Variants in SCUBE3 observed in about 807,000 individuals in gnomAD.
The protein encoded by SCUBE3 is signal peptide, CUB and EGF-like domain-containing protein 3.
A neutral mutation model predicts 116.8 loss-of-function variants in SCUBE3; 33 were observed. The ratio of observed to expected loss-of-function variants is 0.28; its 90% CI spans 0.21 to 0.38. SCUBE3 has a LOEUF of 0.38. Ranked by LOEUF, SCUBE3 falls within the 10% of genes least tolerant of loss-of-function variation. The pLI, the probability that SCUBE3 is intolerant of heterozygous loss-of-function variation, is 1.00. For missense variants in SCUBE3, 1,007 were observed against 1,324.8 expected, an observed-to-expected ratio of 0.76 and a Z score of 3.72; for synonymous variants, 418 against 496.9, an observed-to-expected ratio of 0.84 and a Z score of 2.11.
chr6:35,229,291 C>T (rs1783441477), intron 3 of SCUBE3, among the ~76,000 whole-genome samples: 1 of 152,110 alleles, frequency 6.6e-6, no homozygotes, highest in Non-Finnish European at 1.5e-5. Flanking sequence ...TGGTGCATAC[C>T]TGTAGTCCCC....
chr6:35,226,763 C>G (rs1463841458), intron 1 of SCUBE3, among the ~76,000 whole-genome samples: 1 of 152,136 alleles, frequency 6.6e-6, no homozygotes, highest in South Asian at 2.1e-4. Context: ...CAGGCATGAG[C>G]CACCGCGCCT....
In SCUBE3 at chr6:35,245,385, TGAG is replaced by T; in HGVS notation, c.2562_2564del (p.Glu854del). On this transcript the variant is annotated inframe_deletion, in exon 19 of 22. Coordinates refer to ENST00000274938, the MANE Select transcript of SCUBE3 (RefSeq NM_152753.4). The surrounding 1 kb of genome is among the most constrained non-coding windows in gnomAD (Gnocchi z 4.2). ...TGGTACCAGAGATCTTCCTGCCATC[TGAG>T]GATGAGTGTGGGGACGTCCTCGTCA... 6.2e-7 allele frequency: 1 copy of T among 1,614,200 alleles called. No individual in the cohort carries two copies. The highest frequency in any genetic ancestry group is 8.5e-7 in the Non-Finnish European group (1 of 1,180,036).
Position 35,231,213 on chromosome 6 carries a change from G to A in SCUBE3, c.335-512G>A, listed in dbSNP as rs1395611645. 1.3e-5 allele frequency among the ~76,000 whole-genome samples: 2 copies of A among 152,094 alleles called. 1 individual carries two copies. The highest frequency in any genetic ancestry group is 1.3e-4 in the Admixed American group (2 of 15,270). ...GAAATGGTCCCTGCTCCACAAGGAG[G>A]TGAGGCTCAGCTGCCTTTCCCCACC... On this transcript the variant is annotated intron_variant, in intron 3 of 21. Transcript: ENST00000274938. The surrounding 1 kb of genome is among the most constrained non-coding windows in gnomAD (Gnocchi z 4.2).
intron 1 of SCUBE3, among the ~76,000 whole-genome samples, chr6:35,225,765 A>C (rs1247533081): frequency 6.6e-6 from 1 of 152,190 alleles, no homozygotes; most frequent in East Asian, 1.9e-4. Context: ...GGTATCTATA[A>C]ATTGGAGAGA....
chr6:35,234,952 C>A (rs1228600407), intron 6 of SCUBE3, among the ~76,000 whole-genome samples: 1 of 152,222 alleles, frequency 6.6e-6, no homozygotes, highest in African/African-American at 2.4e-5. Context: ...TTTCCTAGTT[C>A]CTCTTCCTCT....
intron 3 of SCUBE3, among the ~76,000 whole-genome samples, chr6:35,229,249 A>AAAT (rs1783439104): frequency 6.6e-6 from 1 of 152,142 alleles, no homozygotes; most frequent in African/African-American, 2.4e-5. Context: ...TTTCTACAAA[A>AAAT]AATAATAATA....
At chr6:35,236,074 C>T (rs941708780) in intron 6 of SCUBE3, among the ~76,000 whole-genome samples, 2 of 152,228 alleles carry the variant, frequency 1.3e-5, no homozygotes, top group Admixed American at 6.5e-5. Flanking sequence ...ACTTTCCTCT[C>T]TGATCCTCAG....
rs573505887 is a variant in SCUBE3 at position 35,235,411 on chromosome 6, C to T, written c.712+2110C>T. The T allele has an allele frequency of 4.2e-6, 5 of 1,197,916 alleles. No individual in the cohort carries two copies. Among genetic ancestry groups the T allele is most frequent in the East Asian group, 5.7e-5 (1 of 17,652 alleles). 74.2% of individuals were successfully genotyped at this position (1,197,916 alleles called of 1,614,324 possible). ...CCAGAGGGCCACAGTGGCTTCTGCC[C>T]AGCACCTAAACAGCTTTTTTACAAT... On this transcript the variant is annotated intron_variant, in intron 6 of 21. Coordinates refer to ENST00000274938, the MANE Select transcript of SCUBE3 (RefSeq NM_152753.4). This position sits in a 1 kb window ranked among gnomAD's most constrained non-coding sequence, Gnocchi z 4.5.
Position 35,231,994 on chromosome 6 carries a change from A to C in SCUBE3, c.469+135A>C. On this transcript the variant is annotated intron_variant, in intron 4 of 21. Transcript: ENST00000274938. The surrounding 1 kb of genome is among the most constrained non-coding windows in gnomAD (Gnocchi z 4.2). ...CCTTCTTCTCTTGTCCTTCAACTCAATCACACCCTAAAGGATCTAGGAACA... is the reference window on the plus strand; with the variant it reads ...CCTTCTTCTCTTGTCCTTCAACTCACTCACACCCTAAAGGATCTAGGAACA... 3 of 762,828 alleles carry C rather than the reference A, an allele frequency of 3.9e-6. No individual in the cohort carries two copies. The highest frequency in any genetic ancestry group is 4.1e-6 in the Non-Finnish European group (2 of 486,494). The allele number at this position is 762,828 out of a possible 1,614,324, so 47.3% of individuals were successfully genotyped here. A position where few individuals can be genotyped will look rare whatever the true frequency, so the allele number is the denominator to read the frequency against.
At chr6:35,217,612 T>C (rs1435390808) in intron 1 of SCUBE3, among the ~76,000 whole-genome samples, 13 of 152,012 alleles carry the variant, frequency 8.6e-5, no homozygotes. Flanking sequence ...GCTGTTTCCT[T>C]TCCTCCCCGC....
At position 35,242,202 on chromosome 6, in the gene SCUBE3, AG is replaced by A; in HGVS notation, c.1418-1del. ...TGTGCTGAGTTTCTACCATCCCTCT[AG>A]AGGCTGCAGTGCTGTCCATTAAACA... is the stretch of plus-strand genomic sequence containing the variant. On this transcript the variant is annotated splice_acceptor_variant, in intron 12 of 21. Coordinates refer to ENST00000274938, the MANE Select transcript of SCUBE3 (RefSeq NM_152753.4). LOFTEE classifies it high-confidence loss of function. The A allele has an allele frequency of 6.2e-7, 1 of 1,606,372 alleles. No homozygotes were observed. Among genetic ancestry groups the A allele is most frequent in the Non-Finnish European group, 8.5e-7 (1 of 1,173,058 alleles).
At position 35,242,633 on chromosome 6, in the gene SCUBE3, T is replaced by C; in HGVS notation, c.1546T>C (p.Cys516Arg). The C allele has an allele frequency of 3.1e-6, 5 of 1,611,734 alleles. No homozygotes were observed. Among genetic ancestry groups the C allele is most frequent in the African/African-American group, 1.3e-5 (1 of 75,014 alleles). ...GRITGPGGAPCSECQVTFIHL... is the reference protein window; with the variant it reads ...GRITGPGGAPRSECQVTFIHL... ...GCCCTCTCTCCCAGGTGGTGCCCCC[T>C]GCTCTGAATGCCAGGTCACCTTCAT... Residue 516 changes from cysteine (C) to arginine (R), a missense_variant, in exon 14 of 22, where the codon TGC becomes CGC. By Grantham distance (180) the Cys-to-Arg change is radical (BLOSUM62 -3). Transcript: ENST00000274938.
In SCUBE3 at chr6:35,246,039, A is replaced by G; in HGVS notation, c.2695A>G (p.Lys899Glu). The G allele has an allele frequency of 6.2e-7, 1 of 1,614,124 alleles. No homozygotes were observed. The highest frequency in any genetic ancestry group is 2.2e-5 in the East Asian group (1 of 44,878). ...TTCCAGGAAGCTCTGGATCAACTTC[A>G]AGACAAGCGAGGCCAACAGCGCCCG... The part of the protein sequence containing the change: ...ARSRKLWINF[K>E]TSEANSARGF... Residue 899 changes from lysine (K) to glutamate (E), a missense_variant, in exon 20 of 22, where the codon AAG becomes GAG. Lys to Glu is a moderately conservative substitution (Grantham distance 56, BLOSUM62 1). Transcript: ENST00000274938.
intron 3 of SCUBE3, among the ~76,000 whole-genome samples, chr6:35,230,631 A>C (rs1426029773): frequency 2.0e-5 from 3 of 152,200 alleles, no homozygotes; most frequent in Non-Finnish European, 4.4e-5. Flanking sequence ...AGAGAACAGC[A>C]AAAGACAGGG....
intron 1 of SCUBE3, among the ~76,000 whole-genome samples, chr6:35,218,604 C>T (rs568621484): frequency 6.6e-6 from 1 of 152,324 alleles, no homozygotes; most frequent in South Asian, 2.1e-4. Flanking sequence ...CTGCAAGAGG[C>T]CCAGACCTGG....
In SCUBE3 at chr6:35,231,662, C is replaced by G. The variant is rs1581923627; in HGVS notation, c.335-63C>G. The G allele has an allele frequency of 6.8e-7, 1 of 1,464,710 alleles. No individual in the cohort carries two copies. The highest frequency in any genetic ancestry group is 2.4e-5 in the East Asian group (1 of 41,684). The allele number at this position is 1,464,710 out of a possible 1,614,324, so 90.7% of individuals were successfully genotyped here. On this transcript the variant is annotated intron_variant, in intron 3 of 21. Transcript: ENST00000274938. This position sits in a 1 kb window ranked among gnomAD's most constrained non-coding sequence, Gnocchi z 4.2. The stretch of plus-strand genomic sequence containing the variant: ...TTAAGACTGCCTTTGGTGCTGAAGT[C>G]TTGGGATATACCCTGGACCCTGCCT...
rs1784012133 is a variant in SCUBE3, at chr6:35,240,871, AGTC to A, written c.1070-269_1070-267del. Among the ~76,000 whole-genome samples the A allele has an allele frequency of 6.6e-6, 1 of 152,232 alleles. No individual in the cohort carries two copies. Among genetic ancestry groups the A allele is most frequent in the African/African-American group, 2.4e-5 (1 of 41,462 alleles). ...AGGTTTGAGCTCTTCTCAGGCCAGT[AGTC>A]ATCTTACAGTGCCTAGAATGCCTTT... On this transcript the variant is annotated intron_variant, in intron 9 of 21. Transcript: ENST00000274938. This position sits in a 1 kb window ranked among gnomAD's most constrained non-coding sequence, Gnocchi z 4.6.
chr6:35,234,291 T>C (rs752284896), intron 6 of SCUBE3, among the ~76,000 whole-genome samples: 1 of 152,170 alleles, frequency 6.6e-6, no homozygotes, highest in African/African-American at 2.4e-5. Flanking sequence ...TGTGGCATGC[T>C]GAGGATGGGG....
At position 35,248,622 on chromosome 6, in the gene SCUBE3, G is replaced by C. The variant is rs745451739; in HGVS notation, c.2899G>C (p.Glu967Gln). 3 of 1,614,030 alleles carry C rather than the reference G, an allele frequency of 1.9e-6. No homozygotes were observed. The Admixed American group carries it at 5.0e-5, about 27-fold the overall frequency. ...CCCCCAGAACTACTTCAAGTACACA[G>C]AGAAACACAAGGAGATGCTGCCAAA... is the stretch of plus-strand genomic sequence containing the variant. ...AHPQNYFKYT[E>Q]KHKEMLPKSF... Residue 967 changes from glutamate to glutamine, a missense_variant, in exon 22 of 22, where the codon GAG becomes CAG. Around this residue, in one of 5 missense-constraint regions of SCUBE3, gnomAD observed 118 missense variants for 196.6 expected, o/e 0.60. Coordinates refer to ENST00000274938, the MANE Select transcript of SCUBE3 (RefSeq NM_152753.4).
Sources: gnomAD v4.1 joint callset for allele counts (sites outside exome capture counted in the v4.1 genomes callset) on GRCh38, gnomAD v4.1.1 for gene constraint, gnomAD v4.1.1 regional missense constraint, Gnocchi (gnomAD v3.1) non-coding constraint, MANE v1.5 for transcripts, NCBI Gene and HGNC (gene_info 2026-07-23, HGNC 2026-07-21) for gene names.